The following TM4SF19 variants were observed in gnomAD, a reference collection of about 807,000 sequenced individuals.
TM4SF19 encodes transmembrane 4 L six family member 19.
A neutral mutation model predicts 21.8 loss-of-function variants in TM4SF19; 17 were observed. The observed-to-expected ratio is 0.78, with a 90% CI of 0.53 to 1.17. TM4SF19 has a LOEUF of 1.17. Ranked by LOEUF, TM4SF19 falls within the 50% of genes most tolerant of loss-of-function variation. The pLI, the probability that TM4SF19 is intolerant of heterozygous loss-of-function variation, is 0.00. For synonymous variants in TM4SF19, 107 were observed against 106.7 expected (o/e 1.00, Z -0.02); for missense variants, 216 against 252.1 (o/e 0.86, Z 0.97).
intron 1 of TM4SF19, 141 bp from the exon 2 acceptor site, chr3:196,327,732 C>A: frequency 3.0e-6 from 2 of 661,320 alleles, no homozygotes; most frequent in Non-Finnish European, 5.2e-6. Flanking sequence ...GCCAAGCAAC[C>A]TGCTTAAAAA....
At position 196,323,774 on chromosome 3, in the gene TM4SF19, C is replaced by T. The variant is rs777033724; in HGVS notation, c.*43G>A. The T allele has an allele frequency of 9.3e-6, 15 of 1,613,996 alleles. No homozygotes were observed. The highest frequency in any genetic ancestry group is 1.6e-4 in the Middle Eastern group (1 of 6,062). On this transcript the variant is annotated 3_prime_UTR_variant, in exon 5 of 5. Transcript: ENST00000273695. ...CCTTGTAGAAAGGATTCAAGACAGC[C>T]GATGATGAAAACACCCATGCTTGCA...
chr3:196,337,078 T>G (rs1577416116), intron 1 of TM4SF19, among the ~76,000 whole-genome samples: 1 of 97,886 alleles, frequency 1.0e-5, no homozygotes, highest in African/African-American at 3.7e-5. Flanking sequence ...TTTTTTTTTT[T>G]GAGACACAGT....
chr3:196,330,211 C>T (rs1727454556), intron 1 of TM4SF19, among the ~76,000 whole-genome samples: 1 of 152,030 alleles, frequency 6.6e-6, no homozygotes, highest in South Asian at 2.1e-4. Context: ...CTCCTGGACT[C>T]AAATGATCCT....
chr3:196,331,540 C>A (rs920778031), intron 1 of TM4SF19, among the ~76,000 whole-genome samples: 2 of 151,924 alleles, frequency 1.3e-5, no homozygotes, highest in Non-Finnish European at 2.9e-5. Context: ...GTAATCCCAG[C>A]ACTTTGGGAG....
intron 1 of TM4SF19, among the ~76,000 whole-genome samples, chr3:196,331,089 C>T (rs1233522952): frequency 6.6e-6 from 1 of 151,906 alleles, no homozygotes; most frequent in Non-Finnish European, 1.5e-5. Context: ...GCCTGGTCAA[C>T]ATGGTGAAAC....
At chr3:196,332,559 CACAT>C (rs912374001) in intron 1 of TM4SF19, among the ~76,000 whole-genome samples, 1 of 151,596 alleles carries the variant, frequency 6.6e-6, no homozygotes, top group African/African-American at 2.4e-5. Flanking sequence ...TATGCACACA[CACAT>C]ATATATCATA....
chr3:196,324,472 C>A (rs199742700), intron 3 of TM4SF19, 32 bp from the exon 4 acceptor site: 8 of 1,610,938 alleles, frequency 5.0e-6, no homozygotes, highest in Non-Finnish European at 6.8e-6. Flanking sequence ...TGAGCTAAGA[C>A]GGGGTCGCAG....
Position 196,323,828 on chromosome 3 carries a change from A to G in TM4SF19, c.619T>C (p.Cys207Arg), listed in dbSNP as rs751302585. The change falls in exon 5 of 5, where the codon TGC becomes CGC. Residue 207 changes from cysteine (C) to arginine (R), a missense_variant. Coordinates refer to ENST00000273695, the MANE Select transcript of TM4SF19 (RefSeq NM_138461.4). ...NSLLGLFCSLCEK is the reference protein window; with the variant it reads ...NSLLGLFCSLREK ...GAAGGTTCTGCCTGTCACTTCTCGC[A>G]GAGGCTGCAGAAAAGGCCCAGGAGG... is the stretch of plus-strand genomic sequence containing the variant. The G allele has an allele frequency of 6.2e-7, 1 of 1,613,734 alleles. No individual in the cohort carries two copies.
chr3:196,324,481 A>G (rs778849090), intron 3 of TM4SF19, 41 bp from the exon 4 acceptor site: 3 of 1,604,170 alleles, frequency 1.9e-6, no homozygotes, highest in Middle Eastern at 3.3e-4. Context: ...ACGGGGTCGC[A>G]GCTGGGGAGC....
chr3:196,327,145 ACT>A (rs1316974766), intron 2 of TM4SF19, 113 bp from the exon 3 acceptor site: 4 of 885,928 alleles, frequency 4.5e-6, no homozygotes, highest in Middle Eastern at 3.0e-4. Flanking sequence ...AGTCCTGTTG[ACT>A]CTGACTCTGG....
intron 1 of TM4SF19, among the ~76,000 whole-genome samples, chr3:196,328,015 T>A (rs920157439): frequency 6.6e-6 from 1 of 152,152 alleles, no homozygotes; most frequent in African/African-American, 2.4e-5. Context: ...AGAAGTAATA[T>A]TGTCGGCCAG....
chr3:196,338,314 G>C lies in TM4SF19; in HGVS notation c.-52C>G, dbSNP rs1344077639. ...TGGGAGAGACAGAACCTGGAGAAAG[G>C]CTGCGTCTTCAGAGTGGGGCTCCAC... On this transcript the variant is annotated 5_prime_UTR_variant, in exon 1 of 5. Coordinates refer to ENST00000273695, the MANE Select transcript of TM4SF19 (RefSeq NM_138461.4). 3.9e-5 allele frequency: 6 copies of C among 152,374 alleles called. No homozygotes were observed. The highest frequency in any genetic ancestry group is 1.4e-4 in the African/African-American group (6 of 41,572). 9.4% of individuals were successfully genotyped at this position (152,374 alleles called of 1,614,324 possible).
In TM4SF19 at chr3:196,323,591, A is replaced by G. The variant is rs969777920; in HGVS notation, c.*226T>C. On this transcript the variant is annotated 3_prime_UTR_variant, in exon 5 of 5. Coordinates refer to ENST00000273695, the MANE Select transcript of TM4SF19 (RefSeq NM_138461.4). ...ATGGACTATAAATTCCTAAACAATT[A>G]TAATAACTTAGTTATTTATCCTATC... 3.6e-6 allele frequency: 3 copies of G among 831,754 alleles called. No homozygotes were observed. The highest frequency in any genetic ancestry group is 5.5e-6 in the Non-Finnish European group (3 of 548,568). 51.5% of individuals were successfully genotyped at this position (831,754 alleles called of 1,614,324 possible). A position where few individuals can be genotyped will look rare whatever the true frequency, so the allele number is the denominator to read the frequency against.
At position 196,324,353 on chromosome 3, in the gene TM4SF19, G is replaced by T; in HGVS notation, c.367C>A (p.Pro123Thr). The change falls in exon 4 of 5, where the codon CCT becomes ACT. Residue 123 changes from proline (P) to threonine (T), a missense_variant. By Grantham distance (38) the Pro-to-Thr change is conservative. Transcript: ENST00000273695. The part of the protein sequence containing the change: ...VTSGVALKDG[P>T]FCMFDVSSFN... ...GATGAAACATCAAACATGCAAAAAG[G>T]ACCATCTTTCAGAGCAACTCCAGAA... 1.2e-6 allele frequency: 2 copies of T among 1,614,156 alleles called. No individual in the cohort carries two copies. The highest frequency in any genetic ancestry group is 4.5e-5 in the East Asian group (2 of 44,890).
intron 1 of TM4SF19, among the ~76,000 whole-genome samples, chr3:196,332,254 CAA>C (rs1224736520): frequency 2.1e-5 from 3 of 140,082 alleles, no homozygotes; most frequent in African/African-American, 2.6e-5. Flanking sequence ...GATTCGGTCT[CAA>C]AAAAAAAAAA....
Position 196,324,372 on chromosome 3 carries a change from T to C in TM4SF19, c.348A>G (p.Gly116=), listed in dbSNP as rs781508345. The C allele has an allele frequency of 2.3e-5, 37 of 1,613,930 alleles. No individual in the cohort carries two copies. The Admixed American group carries it at 5.5e-4, about 24-fold the overall frequency. The change falls in exon 4 of 5, where the codon GGA becomes GGG. Residue 116 remains glycine, a synonymous_variant. Coordinates refer to ENST00000273695, the MANE Select transcript of TM4SF19 (RefSeq NM_138461.4). ...AAAAAGGACCATCTTTCAGAGCAAC[T>C]CCAGAAGTGACAAAGCAAATCAGGG... ...LGALICFVTS[G]VALKDGPFCM... is the part of the protein sequence containing the mutation.
At chr3:196,326,389 A>AGTGT (rs10604679) in intron 3 of TM4SF19, among the ~76,000 whole-genome samples, 333 of 150,376 alleles carry the variant, frequency 2.2e-3, no homozygotes, top group Non-Finnish European at 3.7e-3. Flanking sequence ...TCTGAGAACG[A>AGTGT]GTGTGTGTGT....
chr3:196,326,414 G>A (rs1400325352), intron 3 of TM4SF19, among the ~76,000 whole-genome samples: 2 of 141,722 alleles, frequency 1.4e-5, no homozygotes, highest in Non-Finnish European at 3.1e-5. Flanking sequence ...GTGTGTGTGT[G>A]TTTGTTACAC....
chr3:196,328,240 C>A (rs1208104972), intron 1 of TM4SF19, among the ~76,000 whole-genome samples: 2 of 151,218 alleles, frequency 1.3e-5, no homozygotes, highest in African/African-American at 4.9e-5. Context: ...GCAGAGGTTG[C>A]AGTGAGCTGA....
Sources: gnomAD v4.1 joint callset for allele counts (sites outside exome capture counted in the v4.1 genomes callset) on GRCh38, gnomAD v4.1.1 for gene constraint, MANE v1.5 for transcripts, NCBI Gene and HGNC (gene_info 2026-07-23, HGNC 2026-07-21) for gene names.